The following DNAH14 variants were observed in gnomAD, a reference collection of about 807,000 sequenced individuals.
DNAH14 encodes the protein dynein axonemal heavy chain 14.
In DNAH14, 478 loss-of-function variants were observed where a neutral mutation model predicts 520.9. The observed-to-expected ratio is 0.92, with a 90% confidence interval of 0.85 to 0.99. DNAH14 has a LOEUF of 0.99. Among genes scored for constraint, DNAH14 ranks in the 50% least tolerant of loss-of-function variants. The probability of loss-of-function intolerance (pLI) is 0.00; values close to 1 mark genes in which losing one functional copy is unlikely to be tolerated. For synonymous variants in DNAH14, 1,581 were observed against 1,757.2 expected (o/e 0.90, Z 2.51); for missense variants, 4,831 against 5,234.5 (o/e 0.92, Z 2.38).
chr1:225,399,268 A>C lies in DNAH14; in HGVS notation c.13853A>C (p.Ter4618SerextTer?). 6.5e-7 allele frequency: 1 copy of C among 1,548,710 alleles called. No homozygotes were observed. Among genetic ancestry groups the C allele is most frequent in the Non-Finnish European group, 8.7e-7 (1 of 1,144,500 alleles). ...TTGCTTTGTGAGAAGAATGAAAAAT[A>C]AATGTCCATATCAAACCATTTTAAT... ...VALLCEKNEK[*>S] Residue 4618 changes from the stop codon to serine (S), a stop_lost, in exon 86 of 86, where the codon TAA becomes TCA. Coordinates refer to ENST00000682510, the MANE Select transcript of DNAH14 (RefSeq NM_001367479.1).
At chr1:225,023,069 C>G (rs1017421170) in intron 10 of DNAH14, among the ~76,000 whole-genome samples, 2 of 152,052 alleles carry the variant, frequency 1.3e-5, no homozygotes, top group African/African-American at 2.4e-5. Flanking sequence ...ATGGGAACAA[C>G]AGACACTGGA....
At chr1:225,228,150 C>A (rs1272783002) in intron 41 of DNAH14, among the ~76,000 whole-genome samples, 1 of 152,210 alleles carries the variant, frequency 6.6e-6, no homozygotes, top group African/African-American at 2.4e-5. Context: ...CCTTTAAAAT[C>A]TCAGCCATAG....
rs1277501599 is a variant in DNAH14 at position 225,235,108 on chromosome 1, T to C, written c.6518+3957T>C. Among the ~76,000 whole-genome samples, 4 of 152,180 alleles carry C rather than the reference T, an allele frequency of 2.6e-5. No homozygotes were observed. The South Asian group carries it at 8.3e-4, about 32-fold the overall frequency. ...TGAATAGGAGTGGTGAAAGACAGCA[T>C]CCTTCTCTTGTGCCAGTTTTCAAGA... On this transcript the variant is annotated intron_variant, in intron 42 of 85. Transcript: ENST00000682510.
chr1:224,955,048 A>T lies in DNAH14; in HGVS notation c.167A>T (p.Tyr56Phe), dbSNP rs745624968. The change falls in exon 3 of 86, where the codon TAT (tyrosine) becomes TTT (phenylalanine). Residue 56 changes from tyrosine to phenylalanine, a missense_variant. By Grantham distance (22) the Tyr-to-Phe change is conservative. Transcript: ENST00000682510. The part of the protein sequence containing the change: ...AEIAEKETLE[Y>F]KTVRTFSESL... Reference sequence around the variant, plus strand: ...ATAGCAGAAAAGGAAACATTGGAATATAAAACAGTTAGAACATTCTCTGAA... The same window carrying T: ...ATAGCAGAAAAGGAAACATTGGAATTTAAAACAGTTAGAACATTCTCTGAA... 1.2e-6 allele frequency: 2 copies of T among 1,611,958 alleles called. No individual in the cohort carries two copies. Among genetic ancestry groups the T allele is most frequent in the South Asian group, 2.2e-5 (2 of 90,832 alleles).
chr1:225,317,745 T>G (rs189031072), intron 60 of DNAH14, among the ~76,000 whole-genome samples: 23 of 152,272 alleles, frequency 1.5e-4, no homozygotes, highest in Admixed American at 7.2e-4. Flanking sequence ...ATTTTATACA[T>G]CTAATAAGTG....
chr1:225,267,517 T>A (rs1339072875), intron 49 of DNAH14, among the ~76,000 whole-genome samples: 7 of 151,970 alleles, frequency 4.6e-5, no homozygotes, highest in Admixed American at 2.6e-4. Flanking sequence ...ATGGTCTCGA[T>A]CTGACCTCGT....
chr1:224,986,022 G>C (rs919389190), intron 8 of DNAH14, among the ~76,000 whole-genome samples: 1 of 152,030 alleles, frequency 6.6e-6, no homozygotes, highest in South Asian at 2.1e-4. Flanking sequence ...CCCAAACCTA[G>C]GGAAAGATAT....
At chr1:225,260,620 C>G (rs2092904053) in intron 46 of DNAH14, among the ~76,000 whole-genome samples, 2 of 151,752 alleles carry the variant, frequency 1.3e-5, no homozygotes, top group Admixed American at 1.3e-4. Flanking sequence ...TTTTTTCCCC[C>G]CCTCAAGATT....
intron 11 of DNAH14, among the ~76,000 whole-genome samples, chr1:225,032,594 C>T (rs533037126): frequency 6.6e-4 from 100 of 152,142 alleles, no homozygotes; most frequent in Middle Eastern, 3.4e-3. Flanking sequence ...TGGGTATGTA[C>T]TCAATAACGG....
chr1:225,163,130 C>A (rs1281302650), intron 35 of DNAH14, among the ~76,000 whole-genome samples: 3 of 123,812 alleles, frequency 2.4e-5, no homozygotes, highest in African/African-American at 6.7e-5. Flanking sequence ...AGCATAAGAC[C>A]CTATCTCAAA....
chr1:225,389,970 A>G, intron 83 of DNAH14, 97 bp downstream of exon 83: 1 of 1,137,936 alleles, frequency 8.8e-7, no homozygotes, highest in Admixed American at 2.3e-5. Flanking sequence ...CTTTAGGATG[A>G]CAACACCTGC....
At chr1:225,086,990 CCACACACACACACACA>C (rs57900981) in intron 21 of DNAH14, among the ~76,000 whole-genome samples, 16 of 146,860 alleles carry the variant, frequency 1.1e-4, no homozygotes, top group South Asian at 4.4e-4. Context: ...GAAAAGAACA[CCACACACACACACACA>C]CACACACACA....
intron 65 of DNAH14, among the ~76,000 whole-genome samples, chr1:225,332,627 G>A (rs1422904343): frequency 6.6e-6 from 1 of 151,996 alleles, no homozygotes; most frequent in African/African-American, 2.4e-5. Context: ...GTAAATATGG[G>A]TTGTTGTTGC....
chr1:225,207,164 G>A lies in DNAH14; in HGVS notation c.6383G>A (p.Cys2128Tyr). 6.5e-7 allele frequency: 1 copy of A among 1,540,694 alleles called. No homozygotes were observed. Among genetic ancestry groups the A allele is most frequent in the South Asian group, 1.2e-5 (1 of 81,270 alleles). ...GACATAACAGTCGTCATAACCCTCT[G>A]CAGAATTCTTGATGCTTTCTTTGAC... ...MEDITVVITL[C>Y]RILDAFFDFM... The change falls in exon 41 of 86, where the codon TGC becomes TAC. Residue 2128 changes from cysteine (C) to tyrosine (Y), a missense_variant. Cys to Tyr is a radical substitution (Grantham distance 194, BLOSUM62 -2). Transcript: ENST00000682510.
intron 85 of DNAH14, 23 bp downstream of exon 85, chr1:225,398,689 G>A (rs1326976846): frequency 1.3e-6 from 2 of 1,550,522 alleles, no homozygotes; most frequent in African/African-American, 2.7e-5. Context: ...CTATTATCCT[G>A]AAGTCCTAAA....
chr1:225,359,307 T>C (rs986151791), intron 74 of DNAH14, among the ~76,000 whole-genome samples: 1 of 152,212 alleles, frequency 6.6e-6, no homozygotes, highest in Non-Finnish European at 1.5e-5. Context: ...ATACTGTTGC[T>C]CTGGAAGTTG....
At chr1:225,357,639 A>G in intron 73 of DNAH14, 1 of 507,384 alleles carries the variant, frequency 2.0e-6, no homozygotes, top group Non-Finnish European at 3.5e-6. Context: ...TTTTTCCAAA[A>G]CATAACAGAA....
At chr1:225,371,288 A>G (rs1179964893) in intron 77 of DNAH14, among the ~76,000 whole-genome samples, 1 of 152,182 alleles carries the variant, frequency 6.6e-6, no homozygotes, top group African/African-American at 2.4e-5. Flanking sequence ...TTATTCCAGT[A>G]ATGCAAGAAT....
intron 42 of DNAH14, among the ~76,000 whole-genome samples, chr1:225,239,987 A>G (rs1234186153): frequency 5.3e-5 from 8 of 152,134 alleles, no homozygotes; most frequent in African/African-American, 1.9e-4. Context: ...GATCCTACCA[A>G]CCATGGGTGA....
Sources: allele counts gnomAD v4.1 joint callset (sites outside exome capture counted in the v4.1 genomes callset), GRCh38; gene constraint gnomAD v4.1.1; transcripts MANE v1.5; gene names NCBI Gene and HGNC (gene_info 2026-07-23, HGNC 2026-07-21).